Variants in PLEKHG1 observed in about 807,000 individuals in gnomAD.
PLEKHG1 encodes the protein pleckstrin homology domain-containing family G member 1.
PLEKHG1 carries 44 observed loss-of-function variants against 100.8 expected under a neutral mutation model. The ratio of observed to expected loss-of-function variants is 0.44; its 90% CI spans 0.34 to 0.56. PLEKHG1 has a LOEUF of 0.56. Among genes scored for constraint, PLEKHG1 ranks in the 20% least tolerant of loss-of-function variants. The pLI is 0.01. For missense variants in PLEKHG1, 1,545 were observed against 1,720.9 expected (o/e 0.90, Z 1.81); for synonymous variants, 640 against 662.5 (o/e 0.97, Z 0.52).
intron 1 of PLEKHG1, among the ~76,000 whole-genome samples, chr6:150,610,869 A>G (rs945989596): frequency 6.6e-6 from 1 of 152,242 alleles, no homozygotes; most frequent in South Asian, 2.1e-4. Context: ...CAAACTCAAC[A>G]GGGATTGTGT....
At chr6:150,832,020 A>G (rs758601270) in exon 15 of PLEKHG1, 3 of 1,614,118 alleles carry the variant, frequency 1.9e-6, no homozygotes, top group Admixed American at 1.7e-5. Context: ...GAGGCCACAG[A>G]TAAGACAAAA....
At chr6:150,830,816 T>G in exon 15 of PLEKHG1, 1 of 1,614,150 alleles carries the variant, frequency 6.2e-7, no homozygotes, top group South Asian at 1.1e-5. Context: ...ATTTTCCTCC[T>G]CAGATCTGAA....
chr6:150,840,953 G>T, exon 16 of PLEKHG1: 2 of 1,291,808 alleles, frequency 1.5e-6, no homozygotes, highest in Non-Finnish European at 1.1e-6. Context: ...AAACGTTACA[G>T]ATACTGATGA....
chr6:150,690,932 C>T (rs190136375), intron 3 of PLEKHG1, among the ~76,000 whole-genome samples: 9 of 152,268 alleles, frequency 5.9e-5, no homozygotes, highest in Admixed American at 5.9e-4. Flanking sequence ...GTTGCTCTTC[C>T]GCAACCCAGC....
intron 1 of PLEKHG1, among the ~76,000 whole-genome samples, chr6:150,621,051 C>T (rs140108684): frequency 6.6e-6 from 1 of 152,288 alleles, no homozygotes; most frequent in Non-Finnish European, 1.5e-5. Context: ...CTCTCTGTGC[C>T]TCAGTTTTCT....
At chr6:150,652,443 C>T (rs1778784942) in intron 3 of PLEKHG1, among the ~76,000 whole-genome samples, 1 of 152,180 alleles carries the variant, frequency 6.6e-6, no homozygotes, top group South Asian at 2.1e-4. Flanking sequence ...ATATTTTCGT[C>T]TGGGTGCAGT....
At chr6:150,703,663 A>G (rs1780893529) in intron 3 of PLEKHG1, among the ~76,000 whole-genome samples, 1 of 150,912 alleles carries the variant, frequency 6.6e-6, no homozygotes, top group South Asian at 2.1e-4. Context: ...AGTATTAAAA[A>G]AAATCAGTCT....
intron 2 of PLEKHG1, among the ~76,000 whole-genome samples, chr6:150,648,510 G>A (rs2128572339): frequency 6.6e-6 from 1 of 152,078 alleles, no homozygotes; most frequent in African/African-American, 2.4e-5. Context: ...TATTGATAGG[G>A]CATAATGGAT....
At chr6:150,727,512 A>G (rs75946684) in intron 1 of PLEKHG1, among the ~76,000 whole-genome samples, 1,667 of 152,340 alleles carry the variant, frequency 0.011, 20 homozygotes, top group Non-Finnish European at 0.017. Context: ...TCACCCAGAA[A>G]AAATTAGAGG....
At chr6:150,613,371 C>A (rs1776930437) in intron 1 of PLEKHG1, among the ~76,000 whole-genome samples, 1 of 151,886 alleles carries the variant, frequency 6.6e-6, no homozygotes, top group Non-Finnish European at 1.5e-5. Context: ...TAGGATACAT[C>A]TGCTTAGTGA....
intron 2 of PLEKHG1, among the ~76,000 whole-genome samples, chr6:150,753,302 T>G (rs1393302996): frequency 1.3e-5 from 2 of 151,968 alleles, no homozygotes; most frequent in African/African-American, 4.8e-5. Context: ...GGGGTGGGTG[T>G]GTGTGTGTTG....
chr6:150,763,548 C>A (rs1192841022), intron 2 of PLEKHG1, among the ~76,000 whole-genome samples: 1 of 152,202 alleles, frequency 6.6e-6, no homozygotes, highest in Non-Finnish European at 1.5e-5. Context: ...GCCTTTCAAC[C>A]TTTCATCTTG....
intron 3 of PLEKHG1, among the ~76,000 whole-genome samples, chr6:150,781,897 A>G (rs1436065038): frequency 1.3e-5 from 2 of 150,254 alleles, no homozygotes; most frequent in African/African-American, 4.9e-5. Context: ...TCAGCCTCCC[A>G]AATAGCTGGG....
exon 12 of PLEKHG1, chr6:150,819,695 T>C (rs769074683): frequency 8.7e-6 from 14 of 1,609,094 alleles, no homozygotes; most frequent in Non-Finnish European, 1.2e-5. Context: ...CAGGCTTCTG[T>C]TACAGTCCTG....
In PLEKHG1 at chr6:150,668,296, A is replaced by G. The variant is rs192848527; in HGVS notation, c.-99+17510A>G. ...AGCTAGAACACCATCTAAACAAAGT[A>G]AAAAGTGATTGGATTCTTTATGGCT... On this transcript the variant is annotated intron_variant, in intron 3 of 3. Coordinates refer to the PLEKHG1 transcript ENST00000367326. Among the ~76,000 whole-genome samples, 468 of 152,346 alleles carry G rather than the reference A, an allele frequency of 3.1e-3. 5 individuals carry two copies. The highest frequency in any genetic ancestry group is 0.011 in the African/African-American group (439 of 41,584).
chr6:150,701,701 A>C (rs1259289398), intron 3 of PLEKHG1, among the ~76,000 whole-genome samples: 1 of 147,338 alleles, frequency 6.8e-6, no homozygotes, highest in East Asian at 2.0e-4. Flanking sequence ...ATACAAATCT[A>C]GTGATGGGGA....
At chr6:150,722,435 C>G (rs1463830106) in intron 1 of PLEKHG1, among the ~76,000 whole-genome samples, 2 of 146,060 alleles carry the variant, frequency 1.4e-5, no homozygotes, top group African/African-American at 2.5e-5. Flanking sequence ...CTCACTGCAA[C>G]CTCCACTTCC....
At chr6:150,836,595 T>C (rs1259258401) in intron 15 of PLEKHG1, among the ~76,000 whole-genome samples, 4 of 151,614 alleles carry the variant, frequency 2.6e-5, no homozygotes, top group South Asian at 2.1e-4. Context: ...AGCAGGAAGA[T>C]TGCTTGAGCT....
At chr6:150,734,385 G>A (rs1005622672) in intron 2 of PLEKHG1, among the ~76,000 whole-genome samples, 2 of 152,204 alleles carry the variant, frequency 1.3e-5, no homozygotes, top group Non-Finnish European at 2.9e-5. Flanking sequence ...TGACTCACAC[G>A]CAGTGGGGCA....
Sources: allele counts gnomAD v4.1 joint callset (sites outside exome capture counted in the v4.1 genomes callset), GRCh38; gene constraint gnomAD v4.1.1; transcripts MANE v1.5; gene names NCBI Gene and HGNC (gene_info 2026-07-23, HGNC 2026-07-21).